KLHL3: variants seen among roughly 807,000 people sequenced by gnomAD.
KLHL3 encodes the protein kelch-like protein 3.
In KLHL3, 19 loss-of-function variants were observed where a neutral mutation model predicts 70.5. The observed-to-expected ratio is 0.27, with a 90% CI of 0.19 to 0.40. The LOEUF (loss-of-function observed/expected upper bound fraction) is 0.40. Among genes scored for constraint, KLHL3 ranks in the 10% least tolerant of loss-of-function variants. The pLI is 1.00. For synonymous variants in KLHL3, 258 were observed against 290.3 expected (o/e 0.89, Z 1.13); for missense variants, 512 against 771.1 (o/e 0.66, Z 3.98).
intron 11 of KLHL3, among the ~76,000 whole-genome samples, chr5:137,637,010 C>A (rs1324688659): frequency 6.6e-6 from 1 of 152,212 alleles, no homozygotes; most frequent in African/African-American, 2.4e-5. Context: ...CAACTTCTAG[C>A]AGAGCTATTG....
chr5:137,642,411 A>T (rs1017715901), intron 8 of KLHL3, among the ~76,000 whole-genome samples: 1 of 152,106 alleles, frequency 6.6e-6, no homozygotes, highest in Non-Finnish European at 1.5e-5. Flanking sequence ...TCAGAACTAC[A>T]TATCCGTCCT....
intron 12 of KLHL3, among the ~76,000 whole-genome samples, chr5:137,633,136 C>T (rs746175399): frequency 4.4e-4 from 67 of 151,696 alleles, no homozygotes; most frequent in Non-Finnish European, 5.2e-4. Context: ...AAAAATTTGC[C>T]GGGCATGGTG....
At chr5:137,726,819 G>A (rs1262567102) in intron 1 of KLHL3, among the ~76,000 whole-genome samples, 2 of 152,102 alleles carry the variant, frequency 1.3e-5, no homozygotes, top group Non-Finnish European at 2.9e-5. Context: ...AGCGTTAGAT[G>A]GTAGAGTAGA....
chr5:137,622,332 C>G (rs536741276), intron 14 of KLHL3, among the ~76,000 whole-genome samples: 5 of 152,212 alleles, frequency 3.3e-5, no homozygotes, highest in Non-Finnish European at 5.9e-5. Context: ...CTTGAACCTA[C>G]GAGCACAGTC....
chr5:137,668,668 C>A (rs1297631050), intron 6 of KLHL3, among the ~76,000 whole-genome samples: 2 of 152,186 alleles, frequency 1.3e-5, no homozygotes, highest in African/African-American at 4.8e-5. Flanking sequence ...CTTAACAAGA[C>A]TTGTGTTAAG....
chr5:137,685,057 G>A (rs900112623), intron 5 of KLHL3, among the ~76,000 whole-genome samples: 10 of 152,330 alleles, frequency 6.6e-5, no homozygotes, highest in East Asian at 1.9e-4. Flanking sequence ...TTGTGCTCTC[G>A]CTGGAAAAGC....
At chr5:137,707,835 AC>A (rs1469138256) in intron 3 of KLHL3, among the ~76,000 whole-genome samples, 1 of 152,182 alleles carries the variant, frequency 6.6e-6, no homozygotes, top group Non-Finnish European at 1.5e-5. Context: ...CACTTCCGCT[AC>A]TTCAGAGGCA....
At chr5:137,697,847 C>T (rs1352333253) in intron 4 of KLHL3, among the ~76,000 whole-genome samples, 1 of 152,206 alleles carries the variant, frequency 6.6e-6, no homozygotes, top group Admixed American at 6.5e-5. Context: ...TTATAGACTT[C>T]TACTACCTCC....
intron 2 of KLHL3, among the ~76,000 whole-genome samples, chr5:137,712,326 A>G (rs374456693): frequency 1.3e-5 from 2 of 152,200 alleles, no homozygotes; most frequent in East Asian, 3.8e-4. Context: ...GGAGCCTGAC[A>G]ATTTTTGAAC....
Position 137,621,844 on chromosome 5 carries a change from G to T in KLHL3, c.*254C>A. On this transcript the variant is annotated 3_prime_UTR_variant, in exon 15 of 15. Coordinates refer to ENST00000309755, the MANE Select transcript of KLHL3 (RefSeq NM_017415.3). ...GTCCCTGTAGAAACACCAAAACAAA[G>T]CCCAAAGGTGCTGCCTGGGGATGTC... The T allele has an allele frequency of 1.8e-6, 1 of 563,762 alleles. No homozygotes were observed. The allele number at this position is 563,762 out of a possible 1,614,324, so 34.9% of individuals were successfully genotyped here.
At chr5:137,700,458 A>T (rs1284596523) in intron 3 of KLHL3, among the ~76,000 whole-genome samples, 1 of 152,196 alleles carries the variant, frequency 6.6e-6, no homozygotes, top group Non-Finnish European at 1.5e-5. Context: ...CTGCCTGTGG[A>T]ATTTGTGGTT....
At chr5:137,687,236 G>C (rs1371451156) in intron 5 of KLHL3, among the ~76,000 whole-genome samples, 6 of 43,296 alleles carry the variant, frequency 1.4e-4, no homozygotes, top group African/African-American at 6.1e-4. Flanking sequence ...CGCCCCGTCC[G>C]GGAGGGAGGC....
chr5:137,632,506 T>C (rs1438856111), intron 12 of KLHL3, among the ~76,000 whole-genome samples: 1 of 152,112 alleles, frequency 6.6e-6, no homozygotes, highest in Non-Finnish European at 1.5e-5. Flanking sequence ...AAAAATTAAC[T>C]GAAGATGGAT....
chr5:137,692,976 T>C (rs1012522312), intron 4 of KLHL3, among the ~76,000 whole-genome samples: 2 of 152,204 alleles, frequency 1.3e-5, no homozygotes, highest in African/African-American at 2.4e-5. Context: ...GACATTAAGA[T>C]GTTTTTTAAA....
intron 3 of KLHL3, chr5:137,705,940 C>A (rs1257895831): frequency 1.2e-6 from 1 of 847,360 alleles, no homozygotes; most frequent in Non-Finnish European, 1.4e-6. Flanking sequence ...TACTGGCCTC[C>A]CCACTCAAGT....
chr5:137,661,796 T>C, intron 7 of KLHL3, 119 bp downstream of exon 7: 2 of 657,690 alleles, frequency 3.0e-6, no homozygotes, highest in Admixed American at 2.4e-5. Context: ...GCTGGTTCCC[T>C]CAGCACATAC....
rs1213673228 is a variant in KLHL3, at chr5:137,620,300, T to C, written c.*1798A>G. On this transcript the variant is annotated 3_prime_UTR_variant, in exon 15 of 15. Transcript: ENST00000309755. Reference sequence around the variant, plus strand: ...CTTAACATCAGAAAGAGAAGTTTTGTCTTTAGGAGAGTTGCACATTTAGGG... The same window carrying C: ...CTTAACATCAGAAAGAGAAGTTTTGCCTTTAGGAGAGTTGCACATTTAGGG... 1 of 152,228 alleles carries C rather than the reference T, an allele frequency of 6.6e-6. No homozygotes were observed. The highest frequency in any genetic ancestry group is 1.9e-4 in the East Asian group (1 of 5,204). The allele number at this position is 152,228 out of a possible 1,614,324, so 9.4% of individuals were successfully genotyped here.
At chr5:137,631,970 G>A (rs1750647797) in intron 12 of KLHL3, among the ~76,000 whole-genome samples, 1 of 151,976 alleles carries the variant, frequency 6.6e-6, no homozygotes, top group Admixed American at 6.6e-5. Context: ...TTAAGTTGTT[G>A]AACCAATACC....
At chr5:137,671,128 C>T (rs916292285) in intron 6 of KLHL3, among the ~76,000 whole-genome samples, 1 of 152,312 alleles carries the variant, frequency 6.6e-6, no homozygotes, top group Admixed American at 6.5e-5. Context: ...CTCCCAGCCT[C>T]ATTTCCCACC....
Sources: gnomAD v4.1 joint callset for allele counts (sites outside exome capture counted in the v4.1 genomes callset) on GRCh38, gnomAD v4.1.1 for gene constraint, MANE v1.5 for transcripts, NCBI Gene and HGNC (gene_info 2026-07-23, HGNC 2026-07-21) for gene names.